Variants in LETMD1 observed in about 807,000 individuals in gnomAD.
The protein encoded by LETMD1 is LETM1 domain-containing protein 1.
LETMD1 carries 30 observed loss-of-function variants against 43.9 expected under a neutral mutation model. That is an observed-to-expected ratio of 0.68 (90% CI 0.51 to 0.93). The LOEUF (loss-of-function observed/expected upper bound fraction) is 0.93, where lower values mean the gene tolerates loss of function less well. Among genes scored for constraint, LETMD1 ranks in the 40% least tolerant of loss-of-function variants. The pLI, the probability that LETMD1 is intolerant of heterozygous loss-of-function variation, is 0.00. For missense variants in LETMD1, 413 were observed against 447.7 expected, an observed-to-expected ratio of 0.92 and a Z score of 0.70; for synonymous variants, 176 against 163.1, an observed-to-expected ratio of 1.08 and a Z score of -0.60.
chr12:51,062,283 G>C (rs1404687324), downstream of LETMD1: 2 of 151,930 alleles, frequency 1.3e-5, no homozygotes, highest in Non-Finnish European at 2.9e-5. Context: ...TTTCACTTTT[G>C]TGTGTGTGTG....
Position 51,057,194 on chromosome 12 carries a change from C to A in LETMD1, c.915+692C>A, listed in dbSNP as rs143266213. Among the ~76,000 whole-genome samples, 514 of 152,150 alleles carry A rather than the reference C, an allele frequency of 3.4e-3. 1 individual carries two copies. The highest frequency in any genetic ancestry group is 0.011 in the African/African-American group (476 of 41,502). ...TGGATTGCAGTGAGCCAAGATCGCACCACTGCACTCCAGCCTGGGTGATAG... is the reference window on the plus strand; with the variant it reads ...TGGATTGCAGTGAGCCAAGATCGCAACACTGCACTCCAGCCTGGGTGATAG... On this transcript the variant is annotated intron_variant, in intron 7 of 8. Coordinates refer to ENST00000262055, the MANE Select transcript of LETMD1 (RefSeq NM_015416.5).
At chr12:51,058,831 C>T (rs1004127210) in intron 8 of LETMD1, 1 of 165,304 alleles carries the variant, frequency 6.0e-6, no homozygotes, top group Non-Finnish European at 1.3e-5. Context: ...TGTCTCTAGA[C>T]ATTGCCAAAT....
At chr12:51,067,830 C>A in the LETMD1 span, 1 of 1,614,218 alleles carries the variant, frequency 6.2e-7, no homozygotes, top group Non-Finnish European at 8.5e-7. This position sits in a 1 kb window ranked among gnomAD's most constrained non-coding sequence, Gnocchi z 4.1. Flanking sequence ...CAGCAGGGCC[C>A]GTCGCCGTTT....
chr12:51,055,551 G>C (rs913804466), intron 4 of LETMD1: 1 of 273,778 alleles, frequency 3.7e-6, no homozygotes, highest in African/African-American at 2.2e-5. Flanking sequence ...TGTAGTCCCA[G>C]CTACTCAGTA....
At chr12:51,050,204 G>A (rs1246994373) in intron 2 of LETMD1, among the ~76,000 whole-genome samples, 2 of 150,420 alleles carry the variant, frequency 1.3e-5, no homozygotes, top group African/African-American at 4.9e-5. Context: ...GAAAGCATTT[G>A]TGTTTGTTTT....
chr12:51,064,029 T>A, downstream of LETMD1: 1 of 1,614,204 alleles, frequency 6.2e-7, no homozygotes, highest in Admixed American at 1.7e-5. Context: ...AGAGAAGACA[T>A]TCAGATCCTT....
chr12:51,048,958 C>T, intron 1 of LETMD1, 76 bp from the exon 2 acceptor site: 3 of 1,365,632 alleles, frequency 2.2e-6, no homozygotes, highest in Non-Finnish European at 3.0e-6. Flanking sequence ...GAGACTCCTG[C>T]TTTACATTAG....
chr12:51,051,714 A>T (rs1017063090), intron 2 of LETMD1, among the ~76,000 whole-genome samples: 1 of 152,186 alleles, frequency 6.6e-6, no homozygotes, highest in Non-Finnish European at 1.5e-5. Flanking sequence ...CTCAAAAAAA[A>T]GAAAAAAAAA....
chr12:51,049,251 A>G, intron 2 of LETMD1, 66 bp downstream of exon 2: 4 of 1,404,996 alleles, frequency 2.8e-6, no homozygotes, highest in South Asian at 1.4e-5. Flanking sequence ...AGTTAGCATA[A>G]ATAAGATCAT....
chr12:51,054,825 G>A (rs1428359159), intron 4 of LETMD1, among the ~76,000 whole-genome samples: 3 of 152,218 alleles, frequency 2.0e-5, no homozygotes, highest in Non-Finnish European at 4.4e-5. Flanking sequence ...TCGTGGCCAG[G>A]TGCAGTGGCT....
chr12:51,048,221 G>C (rs770359689), upstream of LETMD1: 25 of 1,178,522 alleles, frequency 2.1e-5, no homozygotes, highest in Non-Finnish European at 3.2e-5. Context: ...CCCTCTCCTG[G>C]CTTGTGCTGG....
Position 51,056,194 on chromosome 12 carries a change from G to A in LETMD1, c.711G>A (p.Glu237=). Residue 237 remains glutamate (E), a synonymous_variant, in exon 6 of 9, where the codon GAG becomes GAA. Transcript: ENST00000262055. The stretch of plus-strand genomic sequence containing the variant: ...TACATGATATCTTGGCTCTGAGAGA[G>A]TGTTTCTCTAACCATCCTCTGGGCA... ...PAIHDILALR[E]CFSNHPLGMN... 2 of 1,614,254 alleles carry A rather than the reference G, an allele frequency of 1.2e-6. No homozygotes were observed. Among genetic ancestry groups the A allele is most frequent in the Non-Finnish European group, 1.7e-6 (2 of 1,180,052 alleles).
chr12:51,066,099 C>CT, the LETMD1 span, among the ~76,000 whole-genome samples: 600 of 151,788 alleles, frequency 4.0e-3, 5 homozygotes, highest in African/African-American at 0.014. Context: ...GCAGGCAGAT[C>CT]ACCTGAGGTC....
At chr12:51,054,472 T>G (rs1342720534) in intron 4 of LETMD1, among the ~76,000 whole-genome samples, 1 of 152,174 alleles carries the variant, frequency 6.6e-6, no homozygotes, top group Non-Finnish European at 1.5e-5. Flanking sequence ...AATATCACTC[T>G]TATGTCTGGT....
chr12:51,058,982 G>C (rs1948509017), intron 8 of LETMD1: 1 of 278,822 alleles, frequency 3.6e-6, no homozygotes, highest in Admixed American at 4.5e-5. Flanking sequence ...TTTGCCCCCT[G>C]TTTAGGCTAG....
intron 7 of LETMD1, 88 bp downstream of exon 7, chr12:51,056,590 T>A: frequency 1.6e-6 from 2 of 1,273,840 alleles, no homozygotes; most frequent in Non-Finnish European, 2.3e-6. Context: ...GCTCCTTGTC[T>A]TGTTTGTTTA....
chr12:51,058,870 GA>G (rs1948475442), intron 8 of LETMD1: 1 of 167,364 alleles, frequency 6.0e-6, no homozygotes, highest in Admixed American at 5.8e-5. Flanking sequence ...AGAGAGGCAG[GA>G]TTGTCCCCGT....
chr12:51,055,772 C>T, intron 4 of LETMD1, 63 bp from the exon 5 acceptor site: 1 of 1,170,934 alleles, frequency 8.5e-7, no homozygotes, highest in Non-Finnish European at 1.2e-6. Context: ...CAAATGCTTT[C>T]TTTGGCTTCC....
At chr12:51,067,405 G>A in the LETMD1 span, among the ~76,000 whole-genome samples, 1 of 152,016 alleles carries the variant, frequency 6.6e-6, no homozygotes, top group Admixed American at 6.6e-5. The surrounding 1 kb of genome is among the most constrained non-coding windows in gnomAD (Gnocchi z 4.1). Flanking sequence ...GCACTGGTGT[G>A]AACTCAGCTC....
Sources: gnomAD v4.1 joint callset for allele counts (sites outside exome capture counted in the v4.1 genomes callset) on GRCh38, gnomAD v4.1.1 for gene constraint, Gnocchi (gnomAD v3.1) non-coding constraint, MANE v1.5 for transcripts, NCBI Gene and HGNC (gene_info 2026-07-23, HGNC 2026-07-21) for gene names.